TLL1: variants seen among roughly 807,000 people sequenced by gnomAD.
The protein encoded by TLL1 is tolloid like 1.
Under a neutral mutation model 128.2 loss-of-function variants are expected in TLL1, and 49 were observed. The ratio of observed to expected loss-of-function variants is 0.38; its 90% CI spans 0.30 to 0.48. TLL1 has a LOEUF of 0.48. Ranked by LOEUF, TLL1 falls within the 20% of genes least tolerant of loss-of-function variation. The pLI, the probability that TLL1 is intolerant of heterozygous loss-of-function variation, is 0.96. For synonymous variants in TLL1, 454 were observed against 418.8 expected, an observed-to-expected ratio of 1.08 and a Z score of -1.03; for missense variants, 1,123 against 1,242.0, an observed-to-expected ratio of 0.90 and a Z score of 1.44.
intron 1 of TLL1, among the ~76,000 whole-genome samples, chr4:165,984,478 G>T (rs1736307123): frequency 6.6e-6 from 1 of 152,022 alleles, no homozygotes; most frequent in East Asian, 1.9e-4. Context: ...AGACTTCACT[G>T]TTGCCTTTGT....
At chr4:165,970,302 AT>A (rs1206679758) in intron 1 of TLL1, among the ~76,000 whole-genome samples, 1 of 151,798 alleles carries the variant, frequency 6.6e-6, no homozygotes, top group African/African-American at 2.4e-5. Flanking sequence ...TTTTTCTTTG[AT>A]TTCTAACAAA....
intron 8 of TLL1, among the ~76,000 whole-genome samples, chr4:166,020,220 G>A (rs1738156973): frequency 6.6e-6 from 1 of 152,134 alleles, no homozygotes; most frequent in Non-Finnish European, 1.5e-5. Context: ...GCTTCCAAAA[G>A]GCAAATCCTT....
At chr4:166,035,038 G>C (rs941568841) in intron 9 of TLL1, among the ~76,000 whole-genome samples, 10 of 152,154 alleles carry the variant, frequency 6.6e-5, no homozygotes, top group Non-Finnish European at 1.5e-4. Flanking sequence ...GGCTTAATCA[G>C]CTTCCAGTGG....
chr4:166,099,249 A>G, intron 19 of TLL1, 28 bp from the exon 20 acceptor site: 1 of 1,613,198 alleles, frequency 6.2e-7, no homozygotes, highest in Admixed American at 1.7e-5. Flanking sequence ...CATTGACCTT[A>G]CTCATCTTAT....
At chr4:166,060,000 T>A in intron 14 of TLL1, 28 bp from the exon 15 acceptor site, 1 of 1,612,456 alleles carries the variant, frequency 6.2e-7, no homozygotes, top group South Asian at 1.1e-5. Flanking sequence ...ATGGGGAGAA[T>A]ATACCTTTTT....
intron 16 of TLL1, among the ~76,000 whole-genome samples, chr4:166,073,488 T>C (rs1434723663): frequency 2.6e-5 from 4 of 152,162 alleles, no homozygotes; most frequent in Non-Finnish European, 5.9e-5. Flanking sequence ...TTTATTCTGC[T>C]TTCATTTTGT....
chr4:166,007,324 G>T (rs908155095), intron 6 of TLL1, among the ~76,000 whole-genome samples: 3 of 151,724 alleles, frequency 2.0e-5, no homozygotes, highest in Non-Finnish European at 3.0e-5. Context: ...AAGCATTTAC[G>T]TTCTGAAGCA....
At chr4:166,057,626 G>A (rs553220519) in intron 14 of TLL1, among the ~76,000 whole-genome samples, 3 of 152,222 alleles carry the variant, frequency 2.0e-5, no homozygotes, top group Admixed American at 2.0e-4. Context: ...CCAAGACTGG[G>A]TAATTTGTAA....
At chr4:165,972,043 G>A (rs751345501) in intron 1 of TLL1, among the ~76,000 whole-genome samples, 65 of 152,172 alleles carry the variant, frequency 4.3e-4, no homozygotes, top group Non-Finnish European at 7.9e-4. Flanking sequence ...TGCCTGGGGT[G>A]GGGAATGTGG....
At chr4:165,877,652 T>A (rs1184632445) in intron 1 of TLL1, among the ~76,000 whole-genome samples, 1 of 152,210 alleles carries the variant, frequency 6.6e-6, no homozygotes, top group Non-Finnish European at 1.5e-5. Flanking sequence ...ACAGATTACA[T>A]GGAAAAGCAG....
At chr4:165,907,375 T>C (rs1210307153) in intron 1 of TLL1, among the ~76,000 whole-genome samples, 1 of 152,156 alleles carries the variant, frequency 6.6e-6, no homozygotes, top group Admixed American at 6.6e-5. Flanking sequence ...CCACAATGGC[T>C]ACAAAAATGT....
At chr4:166,045,310 CT>C (rs1190174689) in intron 12 of TLL1, among the ~76,000 whole-genome samples, 1 of 152,124 alleles carries the variant, frequency 6.6e-6, no homozygotes, top group African/African-American at 2.4e-5. Context: ...ATTTTACTTA[CT>C]AAACCCACTC....
At chr4:165,950,454 C>A (rs181111897) in intron 1 of TLL1, among the ~76,000 whole-genome samples, 1 of 152,064 alleles carries the variant, frequency 6.6e-6, no homozygotes, top group East Asian at 1.9e-4. Context: ...ACATTTTACC[C>A]AACAACAGCA....
In TLL1 at chr4:166,016,905, G is replaced by A. The variant is rs149165123; in HGVS notation, c.1042+2345G>A. On this transcript the variant is annotated intron_variant, in intron 8 of 20. Transcript: ENST00000061240. ...AAATTTTAGTTCCCCAAATCTTTGG[G>A]AATGACTTTTTCTTCTATCTTGGCC... 2.5e-4 allele frequency among the ~76,000 whole-genome samples: 38 copies of A among 151,788 alleles called. No individual in the cohort carries two copies. The East Asian group carries it at 5.4e-3, about 22-fold the overall frequency.
chr4:166,048,796 T>G (rs925041771), intron 12 of TLL1, among the ~76,000 whole-genome samples: 93 of 152,312 alleles, frequency 6.1e-4, no homozygotes, highest in Non-Finnish European at 5.3e-4. Context: ...GGTATTAAGT[T>G]TGAGGTACTT....
In TLL1 at chr4:165,953,569, A is replaced by G. The variant is rs796449200; in HGVS notation, c.170-35812A>G. 3.8e-3 allele frequency among the ~76,000 whole-genome samples: 481 copies of G among 126,784 alleles called. 3 individuals are homozygous for G. The highest frequency in any genetic ancestry group is 0.03 in the East Asian group (152 of 5,052). 83.2% of individuals were successfully genotyped at this position (126,784 alleles called of 152,430 possible). The stretch of plus-strand genomic sequence containing the variant: ...AGTGGTATTTCTTTTTCATTTAGAA[A>G]AAAAAAAAAAAAAGAAAGAAGGAAA... On this transcript the variant is annotated intron_variant, in intron 1 of 20. Coordinates refer to ENST00000061240, the MANE Select transcript of TLL1 (RefSeq NM_012464.5).
At chr4:166,014,712 G>A in intron 8 of TLL1, 152 bp downstream of exon 8, 2 of 1,222,790 alleles carry the variant, frequency 1.6e-6, no homozygotes, top group Admixed American at 3.6e-5. Flanking sequence ...AATGAGGCAG[G>A]AGGGAACTCT....
chr4:166,058,636 A>G (rs1740143331), intron 14 of TLL1, among the ~76,000 whole-genome samples: 1 of 152,060 alleles, frequency 6.6e-6, no homozygotes, highest in Non-Finnish European at 1.5e-5. Flanking sequence ...AGGCAGGATG[A>G]ATTGGAAGAT....
intron 7 of TLL1, among the ~76,000 whole-genome samples, chr4:166,012,014 A>G (rs1415780096): frequency 6.6e-6 from 1 of 151,612 alleles, no homozygotes; most frequent in Non-Finnish European, 1.5e-5. Flanking sequence ...CAATATATTT[A>G]GGAAATCACT....
Sources: allele counts gnomAD v4.1 joint callset (sites outside exome capture counted in the v4.1 genomes callset), GRCh38; gene constraint gnomAD v4.1.1; transcripts MANE v1.5; gene names NCBI Gene and HGNC (gene_info 2026-07-23, HGNC 2026-07-21).